The following PTPRG variants were observed in gnomAD, a reference collection of about 807,000 sequenced individuals.
The protein encoded by PTPRG is protein tyrosine phosphatase receptor type G, also known as receptor-type tyrosine-protein phosphatase gamma.
PTPRG carries 102 observed loss-of-function variants against 165.3 expected under a neutral mutation model. The observed-to-expected ratio is 0.62, with a 90% CI of 0.53 to 0.73. The LOEUF (loss-of-function observed/expected upper bound fraction) is 0.73, where lower values mean the gene tolerates loss of function less well. PTPRG is among the 30% of genes least tolerant of loss of function. The pLI is 0.00. For synonymous variants in PTPRG, 675 were observed against 669.5 expected, an observed-to-expected ratio of 1.01 and a Z score of -0.13; for missense variants, 1,866 against 1,861.4, an observed-to-expected ratio of 1.00 and a Z score of -0.05.
intron 1 of PTPRG, among the ~76,000 whole-genome samples, chr3:61,706,224 C>A (rs576636399): frequency 6.6e-6 from 1 of 152,114 alleles, no homozygotes; most frequent in South Asian, 2.1e-4. Flanking sequence ...AAAAAAGAAC[C>A]TGGGAAAATG....
intron 6 of PTPRG, among the ~76,000 whole-genome samples, chr3:62,155,841 G>C (rs1348871631): frequency 6.6e-6 from 1 of 152,142 alleles, no homozygotes; most frequent in African/African-American, 2.4e-5. Flanking sequence ...GCTTGGGAAT[G>C]ATATTCCTGT....
chr3:62,005,019 A>G (rs2041262917), intron 4 of PTPRG, among the ~76,000 whole-genome samples: 1 of 152,170 alleles, frequency 6.6e-6, no homozygotes. Flanking sequence ...TCTCTACACA[A>G]TATGAAAGTA....
chr3:61,665,522 G>T (rs1014057081), intron 1 of PTPRG, among the ~76,000 whole-genome samples: 2 of 148,616 alleles, frequency 1.3e-5, no homozygotes, highest in African/African-American at 5.1e-5. Context: ...ATATATTGAA[G>T]ACTTTGTTTT....
At chr3:61,689,629 G>A (rs1477605075) in intron 1 of PTPRG, among the ~76,000 whole-genome samples, 1 of 152,188 alleles carries the variant, frequency 6.6e-6, no homozygotes, top group Non-Finnish European at 1.5e-5. Context: ...AGTGGCAAGG[G>A]CAAGTGTGAA....
chr3:61,751,834 CA>C (rs926115591), intron 2 of PTPRG, among the ~76,000 whole-genome samples: 3 of 150,824 alleles, frequency 2.0e-5, no homozygotes, highest in South Asian at 2.1e-4. Flanking sequence ...ACTAAAAATA[CA>C]AAAAAAAATT....
intron 1 of PTPRG, among the ~76,000 whole-genome samples, chr3:61,740,311 G>A (rs1173531660): frequency 1.3e-5 from 2 of 152,236 alleles, no homozygotes; most frequent in East Asian, 1.9e-4. Context: ...ATTTGATGCC[G>A]TGAGCCCAAA....
chr3:62,171,194 A>G (rs952925093), intron 8 of PTPRG, among the ~76,000 whole-genome samples: 1 of 152,150 alleles, frequency 6.6e-6, no homozygotes, highest in African/African-American at 2.4e-5. Context: ...GATTATTTTC[A>G]AGTCTGGGTG....
intron 15 of PTPRG, among the ~76,000 whole-genome samples, chr3:62,244,704 C>T (rs1266800013): frequency 6.6e-6 from 1 of 152,180 alleles, no homozygotes; most frequent in East Asian, 1.9e-4. Context: ...TAATGCTTTC[C>T]ACCAGCTAAT....
At chr3:61,940,542 C>G (rs1175593820) in intron 2 of PTPRG, among the ~76,000 whole-genome samples, 1 of 152,040 alleles carries the variant, frequency 6.6e-6, no homozygotes, top group Admixed American at 6.6e-5. Flanking sequence ...GGCATGTGCT[C>G]TGTGTGTCTT....
rs146298305 is a variant in PTPRG at position 61,616,019 on chromosome 3, C to G, written c.85+53647C>G. Among the ~76,000 whole-genome samples, 1,382 of 152,284 alleles carry G rather than the reference C, an allele frequency of 9.1e-3. 20 individuals are homozygous for G. Among genetic ancestry groups the G allele is most frequent in the African/African-American group, 0.031 (1,303 of 41,558 alleles). On this transcript the variant is annotated intron_variant, in intron 1 of 29. Coordinates refer to ENST00000474889, the MANE Select transcript of PTPRG (RefSeq NM_002841.4). ...AGGCTGGAGTGCAGTGGCACAATCT[C>G]GGCTCACTGCAACCTCCGCCTTCTG...
In PTPRG at chr3:62,110,036, G is replaced by A. The variant is rs567407547; in HGVS notation, c.616-22566G>A. ...CTTTGCACAGAGGGCCCTCTTCTGA[G>A]TTCTTAGTTTCTTCCTTGTTCAGTA... is the stretch of plus-strand genomic sequence containing the variant. On this transcript the variant is annotated intron_variant, in intron 5 of 29. Transcript: ENST00000474889. 1.1e-4 allele frequency among the ~76,000 whole-genome samples: 16 copies of A among 139,986 alleles called. No individual in the cohort carries two copies. The East Asian group carries it at 3.4e-3, about 29-fold the overall frequency. 91.8% of individuals were successfully genotyped at this position (139,986 alleles called of 152,430 possible). A position where few individuals can be genotyped will look rare whatever the true frequency, so the allele number is the denominator to read the frequency against.
chr3:62,059,040 G>T (rs963841153), intron 4 of PTPRG, among the ~76,000 whole-genome samples: 1 of 152,124 alleles, frequency 6.6e-6, no homozygotes, highest in Non-Finnish European at 1.5e-5. Context: ...CCAGGTATCC[G>T]GTCTGCTCTG....
At position 62,195,226 on chromosome 3, in the gene PTPRG, C is replaced by T; in HGVS notation, c.1327+56C>T. 2.1e-6 allele frequency: 3 copies of T among 1,418,620 alleles called. No individual in the cohort carries two copies. Among genetic ancestry groups the T allele is most frequent in the Non-Finnish European group, 1.0e-6 (1 of 1,002,624 alleles). The allele number at this position is 1,418,620 out of a possible 1,614,324, so 87.9% of individuals were successfully genotyped here. On this transcript the variant is annotated intron_variant, in intron 10 of 29. Transcript: ENST00000474889. This position sits in a 1 kb window ranked among gnomAD's most constrained non-coding sequence, Gnocchi z 4.4. The stretch of plus-strand genomic sequence containing the variant: ...GTGCCCCTGAGACTCCCTCCCAATG[C>T]TTTCTGCTTCTTCCTGCTCAGGTGC...
intron 4 of PTPRG, among the ~76,000 whole-genome samples, chr3:62,061,620 CTCTTT>C (rs891817417): frequency 1.4e-5 from 2 of 138,464 alleles, no homozygotes; most frequent in East Asian, 2.0e-4. Context: ...ACTTGGCTTT[CTCTTT>C]TCTTTTCTTT....
At chr3:62,060,179 T>C (rs992249157) in intron 4 of PTPRG, among the ~76,000 whole-genome samples, 1 of 145,626 alleles carries the variant, frequency 6.9e-6, no homozygotes, top group Non-Finnish European at 1.5e-5. Context: ...ACCACCGCAC[T>C]CTAGCCTGAG....
At chr3:62,011,886 T>C (rs1191080802) in intron 4 of PTPRG, among the ~76,000 whole-genome samples, 1 of 152,198 alleles carries the variant, frequency 6.6e-6, no homozygotes, top group Admixed American at 6.5e-5. Flanking sequence ...GGTGTGTCAG[T>C]GACACGTGGT....
At chr3:62,187,678 T>G (rs1699697773) in intron 8 of PTPRG, among the ~76,000 whole-genome samples, 1 of 152,200 alleles carries the variant, frequency 6.6e-6, no homozygotes, top group Non-Finnish European at 1.5e-5. Context: ...CATCCTCTAT[T>G]CTAGGCCCTC....
At chr3:62,265,926 C>CACACACACACACA (rs879614619) in intron 17 of PTPRG, among the ~76,000 whole-genome samples, 8 of 150,220 alleles carry the variant, frequency 5.3e-5, no homozygotes, top group South Asian at 2.1e-4. Flanking sequence ...CACACACACA[C>CACACACACACACA]CATTCTCTCC....
intron 11 of PTPRG, among the ~76,000 whole-genome samples, chr3:62,202,095 T>C (rs772376391): frequency 6.6e-6 from 1 of 152,098 alleles, no homozygotes; most frequent in Non-Finnish European, 1.5e-5. Context: ...ACAAGGTCAG[T>C]GTTACTGTTG....
Sources: gnomAD v4.1 joint callset for allele counts (sites outside exome capture counted in the v4.1 genomes callset) on GRCh38, gnomAD v4.1.1 for gene constraint, Gnocchi (gnomAD v3.1) non-coding constraint, MANE v1.5 for transcripts, NCBI Gene and HGNC (gene_info 2026-07-23, HGNC 2026-07-21) for gene names.